The following ZNRF3 variants were observed in gnomAD, a reference collection of about 807,000 sequenced individuals.
The protein encoded by ZNRF3 is E3 ubiquitin-protein ligase ZNRF3.
ZNRF3 carries 23 observed loss-of-function variants against 72.5 expected under a neutral mutation model. The ratio of observed to expected loss-of-function variants is 0.32; its 90% confidence interval spans 0.23 to 0.45. The LOEUF is 0.45. Among genes scored for constraint, ZNRF3 ranks in the 20% least tolerant of loss-of-function variants. ZNRF3 has a pLI of 1.00. For synonymous variants in ZNRF3, 610 were observed against 545.3 expected (o/e 1.12, Z -1.65); for missense variants, 1,169 against 1,272.1 (o/e 0.92, Z 1.23).
Position 29,046,738 on chromosome 22 carries a change from T to G in ZNRF3, c.767T>G (p.Val256Gly). 1 of 1,608,816 alleles carries G rather than the reference T, an allele frequency of 6.2e-7. No individual in the cohort carries two copies. Among genetic ancestry groups the G allele is most frequent in the Non-Finnish European group, 8.5e-7 (1 of 1,177,444 alleles). Reference protein sequence around the residue: ...RSQNSMNRLAVQALEKMETRK... With the variant: ...RSQNSMNRLAGQALEKMETRK... ...CAGAATTCCATGAACAGGCTGGCTG[T>G]GCAGGCTCTAGAGAAGATGGAAACC... The change falls in exon 6 of 9, where the codon GTG becomes GGG. Residue 256 changes from valine to glycine, a missense_variant. Around this residue, in one of 2 missense-constraint regions of ZNRF3, gnomAD observed 386 missense variants for 540.7 expected, o/e 0.71. Transcript: ENST00000544604.
chr22:29,020,729 A>G (rs745604839), intron 2 of ZNRF3, among the ~76,000 whole-genome samples: 1 of 150,024 alleles, frequency 6.7e-6, no homozygotes, highest in Non-Finnish European at 1.5e-5. Flanking sequence ...TAACTTACCC[A>G]TTCATCCAGA....
intron 2 of ZNRF3, among the ~76,000 whole-genome samples, chr22:29,017,337 C>T (rs191541082): frequency 5.3e-5 from 8 of 152,318 alleles, no homozygotes; most frequent in Admixed American, 3.3e-4. Flanking sequence ...CAGTCTGCCA[C>T]GGCGCCTGCC....
chr22:29,049,895 A>C lies in ZNRF3; in HGVS notation c.1714A>C (p.Thr572Pro), dbSNP rs1376915575. 6.2e-7 allele frequency: 1 copy of C among 1,603,416 alleles called. No homozygotes were observed. The highest frequency in any genetic ancestry group is 8.5e-7 in the Non-Finnish European group (1 of 1,174,520). The part of the protein sequence containing the change: ...CSSSDSVVDC[T>P]EVSNQGVYGS... ...CTCCAGTGACTCTGTGGTAGACTGC[A>C]CTGAGGTCAGCAACCAGGGCGTGTA... The change falls in exon 8 of 9, where the codon ACT (threonine) becomes CCT (proline). Residue 572 changes from threonine to proline, a missense_variant. By Grantham distance (38) the Thr-to-Pro change is conservative (BLOSUM62 -1). Coordinates refer to ENST00000544604, the MANE Select transcript of ZNRF3 (RefSeq NM_001206998.2). This position sits in a 1 kb window ranked among gnomAD's most constrained non-coding sequence, Gnocchi z 5.2.
intron 2 of ZNRF3, among the ~76,000 whole-genome samples, chr22:29,003,285 G>C (rs1479749342): frequency 1.3e-5 from 2 of 152,158 alleles, no homozygotes; most frequent in African/African-American, 4.8e-5. Context: ...GGGAGGCCAA[G>C]GTGGGCGGAT....
chr22:28,977,879 A>AG (rs748902190), intron 1 of ZNRF3, among the ~76,000 whole-genome samples: 5 of 152,228 alleles, frequency 3.3e-5, no homozygotes, highest in Non-Finnish European at 7.3e-5. Context: ...TTGTACTGAA[A>AG]GCTTCTTAAA....
chr22:29,038,952 A>G (rs916363960), intron 2 of ZNRF3, among the ~76,000 whole-genome samples: 3 of 146,438 alleles, frequency 2.0e-5, no homozygotes. Context: ...TTTAAGCACC[A>G]TATATATATA....
At chr22:29,004,740 G>A (rs946500266) in intron 2 of ZNRF3, among the ~76,000 whole-genome samples, 7 of 152,188 alleles carry the variant, frequency 4.6e-5, no homozygotes, top group African/African-American at 1.7e-4. Context: ...GGAGGAGGGA[G>A]GAGGGCGGGT....
chr22:29,028,354 A>G (rs910218002), intron 2 of ZNRF3, among the ~76,000 whole-genome samples: 5 of 152,196 alleles, frequency 3.3e-5, no homozygotes, highest in Non-Finnish European at 7.3e-5. Context: ...GGGGAGAAAA[A>G]AAATCCCTCC....
At chr22:28,913,535 G>A (rs926194160) in intron 1 of ZNRF3, among the ~76,000 whole-genome samples, 9 of 152,228 alleles carry the variant, frequency 5.9e-5, no homozygotes, top group African/African-American at 1.9e-4. Flanking sequence ...CAGGGCCCTG[G>A]GATAGAGTCA....
At chr22:28,924,227 G>C (rs2034560860) in intron 1 of ZNRF3, among the ~76,000 whole-genome samples, 2 of 152,228 alleles carry the variant, frequency 1.3e-5, no homozygotes, top group African/African-American at 4.8e-5. Context: ...GGCCTGGTGG[G>C]TCCATGGTAG....
chr22:28,917,290 C>G (rs1486635940), intron 1 of ZNRF3: 2 of 249,928 alleles, frequency 8.0e-6, no homozygotes, highest in African/African-American at 2.4e-5. Flanking sequence ...CACACACACA[C>G]ACACACACAC....
chr22:28,916,065 A>G (rs9625641), intron 1 of ZNRF3, among the ~76,000 whole-genome samples: 10,246 of 152,158 alleles, frequency 0.067, 442 homozygotes, highest in East Asian at 0.13. Context: ...AATTTAAATT[A>G]CATTTAATTT....
rs533086552 is a variant in ZNRF3 at position 29,027,811 on chromosome 22, T to C, written c.427-14684T>C. Among the ~76,000 whole-genome samples the C allele has an allele frequency of 6.6e-5, 10 of 152,240 alleles. No homozygotes were observed. In the South Asian group the frequency reaches 1.2e-3, roughly 19 times the overall value. ...CAGTCACAGAGCTGGGAAGGTGAGC[T>C]AGGATTTCAGTCCAAGCAGTGTGAG... On this transcript the variant is annotated intron_variant, in intron 2 of 8. Coordinates refer to ENST00000544604, the MANE Select transcript of ZNRF3 (RefSeq NM_001206998.2).
chr22:28,898,556 A>AT (rs1295092940), intron 1 of ZNRF3, among the ~76,000 whole-genome samples: 1 of 152,228 alleles, frequency 6.6e-6, no homozygotes, highest in Non-Finnish European at 1.5e-5. Flanking sequence ...AAAATATAAT[A>AT]TTTTGGTGTC....
intron 8 of ZNRF3, 40 bp from the exon 9 acceptor site, chr22:29,053,539 C>T: frequency 6.2e-7 from 1 of 1,609,098 alleles, no homozygotes. Context: ...ATGTGTGGTG[C>T]CAGCTCCCTC....
rs1216462255 is a variant in ZNRF3 at position 29,052,155 on chromosome 22, A to G, written c.2767+1207A>G. The stretch of plus-strand genomic sequence containing the variant: ...AAACTGGAGTCTAGCACCTCTGAGT[A>G]GCACTGCAACAAGATCTACCTGCAA... On this transcript the variant is annotated intron_variant, in intron 8 of 8. Transcript: ENST00000544604. Among the ~76,000 whole-genome samples the G allele has an allele frequency of 2.6e-5, 4 of 152,232 alleles. No individual in the cohort carries two copies. The East Asian group carries it at 7.7e-4, about 29-fold the overall frequency.
chr22:29,043,185 G>A, intron 3 of ZNRF3, 114 bp from the exon 4 acceptor site: 1 of 1,209,302 alleles, frequency 8.3e-7, no homozygotes, highest in Non-Finnish European at 1.1e-6. Flanking sequence ...AATGTTGGAA[G>A]AGCTGGAGGA....
intron 2 of ZNRF3, among the ~76,000 whole-genome samples, chr22:29,002,509 C>T (rs577223960): frequency 5.3e-5 from 8 of 152,222 alleles, no homozygotes; most frequent in Middle Eastern, 3.4e-3. Flanking sequence ...GCTGCGCTTT[C>T]GGTGTGTTTG....
At chr22:28,896,907 C>T (rs747944141) in intron 1 of ZNRF3, among the ~76,000 whole-genome samples, 6 of 152,070 alleles carry the variant, frequency 3.9e-5, no homozygotes, top group Non-Finnish European at 8.8e-5. Context: ...GTTTCCCTGT[C>T]TCTCATTCTC....
Sources: gnomAD v4.1 joint callset for allele counts (sites outside exome capture counted in the v4.1 genomes callset) on GRCh38, gnomAD v4.1.1 for gene constraint, gnomAD v4.1.1 regional missense constraint, Gnocchi (gnomAD v3.1) non-coding constraint, MANE v1.5 for transcripts, NCBI Gene and HGNC (gene_info 2026-07-23, HGNC 2026-07-21) for gene names.